Variants in RBBP4 observed in about 807,000 individuals in gnomAD.
The protein encoded by RBBP4 is histone-binding protein RBBP4.
RBBP4 carries 3 observed loss-of-function variants against 57.2 expected under a neutral mutation model. The observed-to-expected ratio is 0.05, with a 90% confidence interval of 0.02 to 0.14. RBBP4 has a LOEUF of 0.14. RBBP4 is among the 10% of genes least tolerant of loss of function. The pLI is 1.00. For synonymous variants in RBBP4, 151 were observed against 171.5 expected (o/e 0.88, Z 0.93); for missense variants, 107 against 520.6 (o/e 0.21, Z 7.73).
intron 2 of RBBP4, among the ~76,000 whole-genome samples, chr1:32,653,728 C>A (rs1465648083): frequency 7.3e-6 from 1 of 136,378 alleles, no homozygotes. Flanking sequence ...ACGTGATCTC[C>A]GCTGACTGCA....
intron 2 of RBBP4, among the ~76,000 whole-genome samples, chr1:32,653,938 G>A (rs1446356944): frequency 1.3e-5 from 2 of 152,038 alleles, no homozygotes; most frequent in Admixed American, 1.3e-4. Context: ...GATTACAGGC[G>A]TGAGCCACCG....
chr1:32,653,816 C>T (rs1262475974), intron 2 of RBBP4, among the ~76,000 whole-genome samples: 1 of 151,516 alleles, frequency 6.6e-6, no homozygotes, highest in Non-Finnish European at 1.5e-5. Context: ...CGGCCACTAC[C>T]CCTGGCTAAT....
At chr1:32,678,917 TC>T (rs1360286485) in intron 11 of RBBP4, among the ~76,000 whole-genome samples, 2 of 152,156 alleles carry the variant, frequency 1.3e-5, no homozygotes, top group Non-Finnish European at 2.9e-5. Flanking sequence ...CAAATAATAT[TC>T]CATCATATGG....
intron 3 of RBBP4, 146 bp downstream of exon 3, chr1:32,657,718 T>G (rs764881442): frequency 1.1e-6 from 1 of 895,676 alleles, no homozygotes. Context: ...ATATTTATAT[T>G]AGAGTTTTAG....
intron 2 of RBBP4, among the ~76,000 whole-genome samples, chr1:32,655,795 T>C (rs900681651): frequency 6.6e-6 from 1 of 152,240 alleles, no homozygotes; most frequent in East Asian, 1.9e-4. Context: ...CTCCATTTTA[T>C]AGGCAGTCAA....
rs779510742 is a variant in RBBP4 at position 32,652,073 on chromosome 1, C to G, written c.164+12C>G. ...CCAGATGTAACCAGGTGACATGACT[C>G]TCCCGAACGTTATTTTGATGTATTT... On this transcript the variant is annotated intron_variant, in intron 2 of 11. Transcript: ENST00000373493. 2 of 1,602,768 alleles carry G rather than the reference C, an allele frequency of 1.2e-6. No individual in the cohort carries two copies. The highest frequency in any genetic ancestry group is 1.1e-5 in the South Asian group (1 of 89,972).
intron 2 of RBBP4, 32 bp from the exon 3 acceptor site, chr1:32,657,395 A>G (rs751205227): frequency 1.3e-6 from 2 of 1,598,266 alleles, no homozygotes; most frequent in African/African-American, 2.7e-5. Context: ...GATGTTACTA[A>G]TTTGAACAGT....
chr1:32,654,174 A>G (rs1353803483), intron 2 of RBBP4, among the ~76,000 whole-genome samples: 1 of 152,018 alleles, frequency 6.6e-6, no homozygotes, highest in Non-Finnish European at 1.5e-5. Context: ...GGAGTTCCAG[A>G]CCAGCCTGGG....
Position 32,681,733 on chromosome 1 carries a change from G to C in RBBP4, c.*2028G>C, listed in dbSNP as rs1649449524. ...ATTTGCAACTTCCACAGGATGAATT[G>C]CTTGCCAAGTTTCTGGCACTCTTGT... On this transcript the variant is annotated 3_prime_UTR_variant, in exon 12 of 12. Coordinates refer to ENST00000373493, the MANE Select transcript of RBBP4 (RefSeq NM_005610.3). The C allele has an allele frequency of 8.4e-6, 13 of 1,554,570 alleles. No homozygotes were observed. Among genetic ancestry groups the C allele is most frequent in the Non-Finnish European group, 8.9e-6 (10 of 1,129,318 alleles).
Position 32,679,932 on chromosome 1 carries a change from A to C in RBBP4, c.*227A>C. 1.5e-6 allele frequency: 2 copies of C among 1,299,316 alleles called. No homozygotes were observed. Among genetic ancestry groups the C allele is most frequent in the Non-Finnish European group, 1.9e-6 (2 of 1,027,140 alleles). 80.5% of individuals were successfully genotyped at this position (1,299,316 alleles called of 1,614,324 possible). ...TTGAAATTTTCTTCAGGAATTTTCT[A>C]GTAACCCAGGTCTAAAGTAGCTACA... On this transcript the variant is annotated 3_prime_UTR_variant, in exon 12 of 12. Transcript: ENST00000373493.
chr1:32,657,665 T>C (rs1476138269), intron 3 of RBBP4, 93 bp downstream of exon 3: 1 of 1,415,494 alleles, frequency 7.1e-7, no homozygotes, highest in East Asian at 2.4e-5. Context: ...AGAAACAATA[T>C]TTAAGGTTGA....
At chr1:32,660,566 A>G (rs964655964) in intron 3 of RBBP4, among the ~76,000 whole-genome samples, 97 of 146,778 alleles carry the variant, frequency 6.6e-4, no homozygotes, top group African/African-American at 2.2e-3. Flanking sequence ...ACAGGCGCCC[A>G]CCACCACACC....
chr1:32,661,226 A>G (rs1266330645), intron 3 of RBBP4, among the ~76,000 whole-genome samples: 2 of 152,066 alleles, frequency 1.3e-5, no homozygotes, highest in Non-Finnish European at 2.9e-5. Flanking sequence ...TCTTTTTTGT[A>G]GAACAATTTC....
intron 3 of RBBP4, among the ~76,000 whole-genome samples, chr1:32,666,514 G>A (rs1279576932): frequency 6.6e-6 from 1 of 151,966 alleles, no homozygotes; most frequent in South Asian, 2.1e-4. Flanking sequence ...CTGCCACGAC[G>A]CCCAGCTAAT....
In RBBP4 at chr1:32,669,153, G is replaced by A. The variant is rs1368010187; in HGVS notation, c.761+21G>A. The A allele has an allele frequency of 6.2e-7, 1 of 1,612,816 alleles. No homozygotes were observed. The highest frequency in any genetic ancestry group is 1.1e-5 in the South Asian group (1 of 90,880). On this transcript the variant is annotated intron_variant, in intron 6 of 11. Coordinates refer to ENST00000373493, the MANE Select transcript of RBBP4 (RefSeq NM_005610.3). The surrounding 1 kb of genome is among the most constrained non-coding windows in gnomAD (Gnocchi z 4.9). ...ATGATGTGAGTAGAATCCATTCAGA[G>A]TTTCTAAATATCTTGTCTAAGTTTT...
In RBBP4 at chr1:32,664,936, C is replaced by G. The variant is rs1346210353; in HGVS notation, c.311-3289C>G. On this transcript the variant is annotated intron_variant, in intron 3 of 11. Coordinates refer to ENST00000373493, the MANE Select transcript of RBBP4 (RefSeq NM_005610.3). ...GTGCAATAGCATTATGTCTAAAAAA[C>G]AATGTACATACCTTAATTTGAAAAT... Among the ~76,000 whole-genome samples, 3 of 152,088 alleles carry G rather than the reference C, an allele frequency of 2.0e-5. No homozygotes were observed. The South Asian group carries it at 6.2e-4, about 32-fold the overall frequency.
chr1:32,651,249 C>A lies in RBBP4; in HGVS notation c.-58C>A. On this transcript the variant is annotated 5_prime_UTR_variant, in exon 1 of 12. Transcript: ENST00000373493. Reference sequence around the variant, plus strand: ...GCGCGCACAGAGCGAGCTCTTGCAGCCTCCCCGCCCCTCCCGCAACGCTCG... The same window carrying A: ...GCGCGCACAGAGCGAGCTCTTGCAGACTCCCCGCCCCTCCCGCAACGCTCG... The A allele has an allele frequency of 6.6e-7, 1 of 1,504,522 alleles. No individual in the cohort carries two copies. Among genetic ancestry groups the A allele is most frequent in the Non-Finnish European group, 8.9e-7 (1 of 1,126,552 alleles). 93.2% of individuals were successfully genotyped at this position (1,504,522 alleles called of 1,614,324 possible). A position where few individuals can be genotyped will look rare whatever the true frequency, so the allele number is the denominator to read the frequency against.
At chr1:32,665,464 T>G (rs1648603748) in intron 3 of RBBP4, among the ~76,000 whole-genome samples, 3 of 151,976 alleles carry the variant, frequency 2.0e-5, no homozygotes, top group African/African-American at 7.3e-5. Flanking sequence ...GATTATCTGA[T>G]GTCAGGAGTT....
chr1:32,666,238 A>G (rs370605371), intron 3 of RBBP4, among the ~76,000 whole-genome samples: 11 of 152,254 alleles, frequency 7.2e-5, no homozygotes, highest in African/African-American at 2.2e-4. Flanking sequence ...CTAGAGCTTC[A>G]TACAAGCAAT....
Sources: gnomAD v4.1 joint callset for allele counts (sites outside exome capture counted in the v4.1 genomes callset) on GRCh38, gnomAD v4.1.1 for gene constraint, Gnocchi (gnomAD v3.1) non-coding constraint, MANE v1.5 for transcripts, NCBI Gene and HGNC (gene_info 2026-07-23, HGNC 2026-07-21) for gene names.